Variants in DCHS2 observed in about 807,000 individuals in gnomAD.
DCHS2 encodes the protein protocadherin-23.
In DCHS2, 142 loss-of-function variants were observed where a neutral mutation model predicts 182.4. The ratio of observed to expected loss-of-function variants is 0.78; its 90% CI spans 0.68 to 0.89. The LOEUF (loss-of-function observed/expected upper bound fraction) is 0.89. Among genes scored for constraint, DCHS2 ranks in the 40% least tolerant of loss-of-function variants. The pLI, the probability that DCHS2 is intolerant of heterozygous loss-of-function variation, is 0.00. For synonymous variants in DCHS2, 1,740 were observed against 1,663.3 expected, an observed-to-expected ratio of 1.05 and a Z score of -1.12; for missense variants, 4,319 against 4,198.6, an observed-to-expected ratio of 1.03 and a Z score of -0.79.
At chr4:154,485,853 C>T (rs1401030903) in intron 1 of DCHS2, among the ~76,000 whole-genome samples, 1 of 152,212 alleles carries the variant, frequency 6.6e-6, no homozygotes, top group Admixed American at 6.5e-5. Flanking sequence ...GCAAATGCAG[C>T]TCACAACATC....
Position 154,332,956 on chromosome 4 carries a change from G to C in DCHS2, c.3252C>G (p.Phe1084Leu), listed in dbSNP as rs371727326. 1.2e-6 allele frequency: 2 copies of C among 1,614,092 alleles called. No homozygotes were observed. Among genetic ancestry groups the C allele is most frequent in the African/African-American group, 2.7e-5 (2 of 74,932 alleles). ...EKREHSPSWTFEHLVYQVEVS... is the reference protein window; with the variant it reads ...EKREHSPSWTLEHLVYQVEVS... ...CTTCCACTTGATAGACCAAATGTTC[G>C]AAAGTCCAGGATGGGCTGTGTTCGC... The change falls in exon 5 of 20, where the codon TTC (phenylalanine) becomes TTG (leucine). Residue 1084 changes from phenylalanine to leucine, a missense_variant. Phe to Leu is a conservative substitution (Grantham distance 22). Coordinates refer to ENST00000357232, the MANE Select transcript of DCHS2 (RefSeq NM_001358235.2).
intron 1 of DCHS2, among the ~76,000 whole-genome samples, chr4:154,395,943 G>A (rs1369715247): frequency 6.6e-6 from 1 of 152,148 alleles, no homozygotes; most frequent in Non-Finnish European, 1.5e-5. Flanking sequence ...GCTTTCATTT[G>A]ACTTAAAAAA....
chr4:154,264,953 G>T (rs1159811454), intron 14 of DCHS2, among the ~76,000 whole-genome samples: 3 of 152,178 alleles, frequency 2.0e-5, no homozygotes, highest in African/African-American at 7.2e-5. Context: ...TTCGAGATCA[G>T]TAATTGCAAA....
At chr4:154,306,266 C>G (rs1735436118) in intron 10 of DCHS2, among the ~76,000 whole-genome samples, 1 of 151,586 alleles carries the variant, frequency 6.6e-6, no homozygotes, top group Non-Finnish European at 1.5e-5. Context: ...TTGGAATGAC[C>G]CTGAGAAAAA....
chr4:154,405,273 T>TA (rs1732352985), intron 1 of DCHS2, among the ~76,000 whole-genome samples: 1 of 151,786 alleles, frequency 6.6e-6, no homozygotes, highest in Admixed American at 6.6e-5. Context: ...TAAATAAAAA[T>TA]AAAAAATAAA....
At chr4:154,417,255 A>C (rs2011960) in intron 1 of DCHS2, among the ~76,000 whole-genome samples, 63,724 of 109,096 alleles carry the variant, frequency 0.58, 16,046 homozygotes, top group Middle Eastern at 0.74. Flanking sequence ...GAGAGAGACC[A>C]GTCAGGGGAA....
chr4:154,392,059 T>C (rs1731732333), intron 1 of DCHS2, among the ~76,000 whole-genome samples: 1 of 152,124 alleles, frequency 6.6e-6, no homozygotes, highest in Non-Finnish European at 1.5e-5. Context: ...GTAAACAATG[T>C]TTTACACTGA....
intron 1 of DCHS2, among the ~76,000 whole-genome samples, chr4:154,488,168 A>G (rs968617155): frequency 6.6e-6 from 1 of 151,676 alleles, no homozygotes; most frequent in Non-Finnish European, 1.5e-5. Context: ...ACAAAGCAAG[A>G]CCTTGTCTCA....
chr4:154,235,194 A>G lies in DCHS2; in HGVS notation c.9458T>C (p.Val3153Ala). Residue 3153 changes from valine (V) to alanine (A), a missense_variant, in exon 20 of 20, where the codon GTG becomes GCG. Val to Ala is a moderately conservative substitution (Grantham distance 64). Transcript: ENST00000357232. Reference protein sequence around the residue: ...SCLSGETDVMVTAETAEASQT... With the variant: ...SCLSGETDVMATAETAEASQT... ...GCTGGCTTCTGCTGTTTCGGCAGTC[A>G]CCATCACATCAGTTTCCCCAGATAG... The G allele has an allele frequency of 1.2e-6, 2 of 1,613,996 alleles. No homozygotes were observed. The highest frequency in any genetic ancestry group is 1.7e-6 in the Non-Finnish European group (2 of 1,179,970).
intron 1 of DCHS2, among the ~76,000 whole-genome samples, chr4:154,436,897 C>T (rs979082236): frequency 6.6e-6 from 1 of 152,048 alleles, no homozygotes; most frequent in Admixed American, 6.6e-5. Context: ...TGTCTTCCAT[C>T]GATTACATGT....
At chr4:154,393,140 TTACAAGCA>T (rs2110853393) in intron 1 of DCHS2, among the ~76,000 whole-genome samples, 1 of 152,300 alleles carries the variant, frequency 6.6e-6, no homozygotes, top group Non-Finnish European at 1.5e-5. Flanking sequence ...GAAATGGATG[TTACAAGCA>T]TACAGCTATA....
At chr4:154,325,728 G>A (rs1281882401) in intron 7 of DCHS2, among the ~76,000 whole-genome samples, 1 of 152,122 alleles carries the variant, frequency 6.6e-6, no homozygotes, top group East Asian at 1.9e-4. Flanking sequence ...AGTGTCCTGA[G>A]AACTTGGGAA....
rs770667835 is a variant in DCHS2 at position 154,235,954 on chromosome 4, C to G, written c.8698G>C (p.Gly2900Arg). 1.4e-4 allele frequency: 220 copies of G among 1,613,878 alleles called. 1 individual carries two copies. The highest frequency in any genetic ancestry group is 7.7e-4 in the Admixed American group (46 of 59,996). Reference sequence around the variant, plus strand: ...TCTGCATCTGAGGCTTCCACTCTGCCAATCAACTGTCTGTCTTTATTCTTT... The same window carrying G: ...TCTGCATCTGAGGCTTCCACTCTGCGAATCAACTGTCTGTCTTTATTCTTT... ...PEKNKDRQLI[G>R]RVEASDADAG... The change falls in exon 20 of 20, where the codon GGC becomes CGC. Residue 2900 changes from glycine to arginine, a missense_variant. Physicochemically the swap from Gly to Arg is moderately radical, Grantham distance 125. Transcript: ENST00000357232.
rs1186641077 is a variant in DCHS2 at position 154,320,948 on chromosome 4, T to C, written c.4451A>G (p.His1484Arg). ...GCTACTCAGGGAAAGGTTTTTGCTA[T>C]GGTCTGTAGTAATCACTCTGAAAAG... ...HYLFRVITTDHSKNLSLSSTV... is the reference protein window; with the variant it reads ...HYLFRVITTDRSKNLSLSSTV... The change falls in exon 9 of 20, where the codon CAT becomes CGT. Residue 1484 changes from histidine to arginine, a missense_variant. Physicochemically the swap from His to Arg is conservative, Grantham distance 29 (BLOSUM62 0). Transcript: ENST00000357232. 1 of 1,614,002 alleles carries C rather than the reference T, an allele frequency of 6.2e-7. No individual in the cohort carries two copies. Among genetic ancestry groups the C allele is most frequent in the Non-Finnish European group, 8.5e-7 (1 of 1,180,006 alleles).
At position 154,489,922 on chromosome 4, in the gene DCHS2, G is replaced by A. The variant is rs1223108538; in HGVS notation, c.1434C>T (p.Phe478=). The A allele has an allele frequency of 3.2e-6, 5 of 1,538,784 alleles. No homozygotes were observed. Among genetic ancestry groups the A allele is most frequent in the African/African-American group, 1.4e-5 (1 of 72,518 alleles). Residue 478 remains phenylalanine, a synonymous_variant, in exon 1 of 20, where the codon TTC becomes TTT. Coordinates refer to ENST00000357232, the MANE Select transcript of DCHS2 (RefSeq NM_001358235.2). ...SLSLEGGEGD[F]ALLPGGPPGV... ...CTGGGGGGCCGCCGGGTAGCAACGC[G>A]AAGTCTCCCTCTCCGCCTTCCAAGG... is the stretch of plus-strand genomic sequence containing the variant.
chr4:154,358,915 T>C (rs772280161), intron 3 of DCHS2, among the ~76,000 whole-genome samples: 8 of 151,592 alleles, frequency 5.3e-5, no homozygotes, highest in Non-Finnish European at 7.4e-5. Context: ...AATATGCATA[T>C]ATGTAATATA....
intron 13 of DCHS2, among the ~76,000 whole-genome samples, chr4:154,295,218 C>T (rs1019946096): frequency 2.6e-5 from 4 of 152,184 alleles, no homozygotes; most frequent in East Asian, 3.9e-4. Context: ...TTGTGAAGTA[C>T]GTACCCTCTT....
At chr4:154,279,844 G>T (rs773074539) in intron 13 of DCHS2, among the ~76,000 whole-genome samples, 10 of 151,652 alleles carry the variant, frequency 6.6e-5, no homozygotes, top group Non-Finnish European at 1.2e-4. Flanking sequence ...AACTTAACCC[G>T]AAGTTAGTAG....
At chr4:154,440,092 T>A (rs1907155) in intron 1 of DCHS2, among the ~76,000 whole-genome samples, 2 of 152,188 alleles carry the variant, frequency 1.3e-5, no homozygotes, top group Non-Finnish European at 2.9e-5. Context: ...TGATCCCACA[T>A]CTGTCTACAC....
Sources: allele counts gnomAD v4.1 joint callset (sites outside exome capture counted in the v4.1 genomes callset), GRCh38; gene constraint gnomAD v4.1.1; transcripts MANE v1.5; gene names NCBI Gene and HGNC (gene_info 2026-07-23, HGNC 2026-07-21).